Variants in DAB1 observed in about 807,000 individuals in gnomAD.
The protein encoded by DAB1 is DAB adaptor protein 1, also known as disabled homolog 1.
Under a neutral mutation model 64.6 loss-of-function variants are expected in DAB1, and 15 were observed. The observed-to-expected ratio is 0.23, with a 90% confidence interval of 0.16 to 0.36. The LOEUF is 0.36. DAB1 is among the 10% of genes least tolerant of loss of function. The probability of loss-of-function intolerance (pLI) is 1.00; values close to 1 mark genes in which losing one functional copy is unlikely to be tolerated. For synonymous variants in DAB1, 235 were observed against 251.9 expected (o/e 0.93, Z 0.64); for missense variants, 596 against 706.7 (o/e 0.84, Z 1.78).
In DAB1 at chr1:58,403,848, A is replaced by G. The variant is rs568840995; in HGVS notation, n.258-60445T>C. Among the ~76,000 whole-genome samples, 7 of 152,338 alleles carry G rather than the reference A, an allele frequency of 4.6e-5. No individual in the cohort carries two copies. In the South Asian group the frequency reaches 1.5e-3, roughly 32 times the overall value. Reference sequence around the variant, plus strand: ...ACACACACACATGACTTGAACAGGCATAAGTCACTAAACAGGATTTTGAAC... The same window carrying G: ...ACACACACACATGACTTGAACAGGCGTAAGTCACTAAACAGGATTTTGAAC... On this transcript the variant is annotated intron_variant and non_coding_transcript_variant, in intron 3 of 20. Coordinates refer to the DAB1 transcript ENST00000485760.
intron 5 of DAB1, among the ~76,000 whole-genome samples, chr1:58,091,109 T>TTCCAACAG (rs1277702867): frequency 5.9e-5 from 9 of 152,196 alleles, no homozygotes; most frequent in African/African-American, 2.2e-4. Flanking sequence ...ACAGACTCCT[T>TTCCAACAG]AGCCCCCTCC....
rs539733418 is a variant in DAB1, at chr1:58,098,018, A to C, written n.387+52493T>G. The stretch of plus-strand genomic sequence containing the variant: ...ATTTAGGAAAGAAAATGAAACATTT[A>C]TTGACCATTTACTCCAGTGTTAGTG... On this transcript the variant is annotated intron_variant and non_coding_transcript_variant, in intron 5 of 20. Transcript: ENST00000485760. 2.7e-4 allele frequency among the ~76,000 whole-genome samples: 41 copies of C among 152,306 alleles called. No individual in the cohort carries two copies. The South Asian group carries it at 8.5e-3, about 32-fold the overall frequency.
chr1:57,794,582 C>G (rs1047537510), intron 6 of DAB1, among the ~76,000 whole-genome samples: 6 of 152,194 alleles, frequency 3.9e-5, no homozygotes, highest in African/African-American at 1.4e-4. Context: ...CCAGGCACTT[C>G]TTGCCACATG....
chr1:58,095,855 C>T (rs930342108), intron 5 of DAB1, among the ~76,000 whole-genome samples: 7 of 152,140 alleles, frequency 4.6e-5, no homozygotes, highest in African/African-American at 1.7e-4. Context: ...TTCCTGACAC[C>T]ATGTAAGTCC....
intron 2 of DAB1, among the ~76,000 whole-genome samples, chr1:57,209,360 G>A (rs377137666): frequency 3.9e-5 from 6 of 152,276 alleles, no homozygotes; most frequent in South Asian, 2.1e-4. Context: ...ATGCTCTTCC[G>A]CTGCTGCAAA....
At chr1:57,607,455 T>A (rs1645670916) in intron 7 of DAB1, among the ~76,000 whole-genome samples, 1 of 152,190 alleles carries the variant, frequency 6.6e-6, no homozygotes. Flanking sequence ...GCCTTCCCTA[T>A]TTTTAAGAGT....
At chr1:58,528,656 G>C in intron 1 of DAB1, among the ~76,000 whole-genome samples, 1 of 152,242 alleles carries the variant, frequency 6.6e-6, no homozygotes, top group East Asian at 1.9e-4. Flanking sequence ...GAATTATCCA[G>C]TCCAAAGTGT....
intron 11 of DAB1, among the ~76,000 whole-genome samples, chr1:57,021,528 A>G (rs1646620984): frequency 6.6e-6 from 1 of 152,190 alleles, no homozygotes; most frequent in Non-Finnish European, 1.5e-5. Context: ...CCTGAACACA[A>G]GCCCTCTTGT....
At chr1:58,126,554 C>T (rs1653103338) in intron 5 of DAB1, among the ~76,000 whole-genome samples, 1 of 151,706 alleles carries the variant, frequency 6.6e-6, no homozygotes, top group Non-Finnish European at 1.5e-5. Flanking sequence ...GCGCTGCACC[C>T]ACTAACTCGT....
Position 57,189,256 on chromosome 1 carries a change from G to A in DAB1, c.68-43827C>T, listed in dbSNP as rs155300. ...TATAATAGCTGACATTTGGAAAATC[G>A]TATCAATGTAGTCTTTTATCAACAT... is the stretch of plus-strand genomic sequence containing the variant. On this transcript the variant is annotated intron_variant, in intron 2 of 14. Transcript: ENST00000371236. Among the ~76,000 whole-genome samples the A allele has an allele frequency of 9.7e-4, 148 of 152,220 alleles. 1 individual carries two copies. Among genetic ancestry groups the A allele is most frequent in the Non-Finnish European group, 1.9e-3 (127 of 68,020 alleles).
At position 58,212,164 on chromosome 1, in the gene DAB1, G is replaced by C. The variant is rs114679360; in HGVS notation, n.310-61576C>G. Among the ~76,000 whole-genome samples the C allele has an allele frequency of 6.6e-3, 1,006 of 152,286 alleles. 12 individuals are homozygous for C. Among genetic ancestry groups the C allele is most frequent in the African/African-American group, 0.023 (976 of 41,542 alleles). ...TATTCTCCCTGGGCCAGTTGTTAAT[G>C]AACCAGTTCCTCCTTCCATGGTTCA... On this transcript the variant is annotated intron_variant and non_coding_transcript_variant, in intron 4 of 20. Transcript: ENST00000485760.
rs530888552 is a variant in DAB1, at chr1:58,525,882, G to A, written n.107+1379C>T. On this transcript the variant is annotated intron_variant and non_coding_transcript_variant, in intron 2 of 20. Coordinates refer to the DAB1 transcript ENST00000485760. ...AAACAAGCCAATGGAACAGAATAGT[G>A]TGTCTAGAAAGAGACCCCAGATATA... is the stretch of plus-strand genomic sequence containing the variant. 6.6e-5 allele frequency among the ~76,000 whole-genome samples: 10 copies of A among 152,102 alleles called. No individual in the cohort carries two copies. In the South Asian group the frequency reaches 1.9e-3, roughly 28 times the overall value.
chr1:57,717,879 G>A (rs578019758), intron 6 of DAB1, among the ~76,000 whole-genome samples: 1 of 152,138 alleles, frequency 6.6e-6, no homozygotes, highest in South Asian at 2.1e-4. Context: ...TGCAAAGAAA[G>A]ACAAAAATCT....
chr1:58,459,675 T>C (rs1491001481), intron 3 of DAB1, among the ~76,000 whole-genome samples: 1 of 152,250 alleles, frequency 6.6e-6, no homozygotes, highest in African/African-American at 2.4e-5. Context: ...CTTTATTCTA[T>C]TTATTAGAAA....
chr1:57,307,570 T>G (rs1395213673), intron 1 of DAB1, among the ~76,000 whole-genome samples: 1 of 151,824 alleles, frequency 6.6e-6, no homozygotes. Flanking sequence ...TTTCCCTTTC[T>G]GTTGAATCTA....
chr1:57,709,964 G>A (rs1243085514), intron 6 of DAB1, among the ~76,000 whole-genome samples: 5 of 152,032 alleles, frequency 3.3e-5, no homozygotes, highest in African/African-American at 1.2e-4. Flanking sequence ...CTACTTTTGC[G>A]ACTTGATTTT....
At chr1:58,373,808 G>C (rs1644295870) in intron 3 of DAB1, among the ~76,000 whole-genome samples, 1 of 150,616 alleles carries the variant, frequency 6.6e-6, no homozygotes, top group African/African-American at 2.4e-5. Flanking sequence ...GTGTAAAAGT[G>C]TTCCTATTTC....
At chr1:58,332,770 A>T (rs1054682213) in intron 4 of DAB1, among the ~76,000 whole-genome samples, 1 of 152,204 alleles carries the variant, frequency 6.6e-6, no homozygotes, top group African/African-American at 2.4e-5. Context: ...CTTGAAAAGG[A>T]CTTATAATGG....
At chr1:58,063,224 G>T (rs977768708) in intron 5 of DAB1, among the ~76,000 whole-genome samples, 4 of 152,108 alleles carry the variant, frequency 2.6e-5, no homozygotes, top group African/African-American at 9.7e-5. Flanking sequence ...GCTGCTCTGG[G>T]GTCACAGTGC....
Sources: gnomAD v4.1 joint callset for allele counts (sites outside exome capture counted in the v4.1 genomes callset) on GRCh38, gnomAD v4.1.1 for gene constraint, MANE v1.5 for transcripts, NCBI Gene and HGNC (gene_info 2026-07-23, HGNC 2026-07-21) for gene names.